The following MOB1B variants were observed in gnomAD, a reference collection of about 807,000 sequenced individuals.
MOB1B encodes the protein MOB kinase activator 1B.
Under a neutral mutation model 24.4 loss-of-function variants are expected in MOB1B, and 19 were observed. That is an observed-to-expected ratio of 0.78 (90% CI 0.54 to 1.14). The LOEUF is 1.14. MOB1B is among the 50% of genes most tolerant of loss of function. The pLI, the probability that MOB1B is intolerant of heterozygous loss-of-function variation, is 0.00. For missense variants in MOB1B, 243 were observed against 259.6 expected, an observed-to-expected ratio of 0.94 and a Z score of 0.44; for synonymous variants, 76 against 82.1, an observed-to-expected ratio of 0.93 and a Z score of 0.40.
intron 3 of MOB1B, among the ~76,000 whole-genome samples, chr4:70,973,037 T>G (rs1000914771): frequency 3.9e-5 from 6 of 152,158 alleles, no homozygotes; most frequent in African/African-American, 1.4e-4. Flanking sequence ...CCTCCCAAAG[T>G]GCTGGCATTA....
At chr4:70,941,821 T>C (rs1737360887) in intron 1 of MOB1B, among the ~76,000 whole-genome samples, 2 of 152,232 alleles carry the variant, frequency 1.3e-5, no homozygotes, top group Non-Finnish European at 2.9e-5. Flanking sequence ...ACATGCTTGG[T>C]ATTTTTAATT....
intron 2 of MOB1B, among the ~76,000 whole-genome samples, chr4:70,961,444 A>G (rs1462105144): frequency 6.6e-6 from 1 of 152,192 alleles, no homozygotes; most frequent in East Asian, 1.9e-4. Flanking sequence ...TATATTGTTT[A>G]TTTCTGAAAT....
chr4:70,958,258 G>T (rs186840770), intron 1 of MOB1B, among the ~76,000 whole-genome samples: 3 of 151,004 alleles, frequency 2.0e-5, no homozygotes, highest in Admixed American at 6.6e-5. Flanking sequence ...TCTGCCTCCC[G>T]AGTTCAAGCG....
In MOB1B at chr4:70,975,204, C is replaced by T. The variant is rs1738934022; in HGVS notation, c.327C>T (p.Cys109=). Residue 109 remains cysteine, a synonymous_variant, in exon 4 of 6, where the codon TGC becomes TGT. Transcript: ENST00000309395. The stretch of plus-strand genomic sequence containing the variant: ...CGAACATAAAGAAACCTATTAAGTG[C>T]TCTGCACCAAAGTATATTGATTACT... ...DGTNIKKPIK[C]SAPKYIDYLM... 1 of 1,613,012 alleles carries T rather than the reference C, an allele frequency of 6.2e-7. No homozygotes were observed. The highest frequency in any genetic ancestry group is 1.1e-5 in the South Asian group (1 of 90,900).
intron 3 of MOB1B, among the ~76,000 whole-genome samples, chr4:70,970,332 A>C (rs1206139018): frequency 6.6e-6 from 1 of 151,742 alleles, no homozygotes; most frequent in East Asian, 1.9e-4. Context: ...CTTCTCTCCC[A>C]TTTCACTCCT....
chr4:70,914,372 T>C (rs1330045227), intron 1 of MOB1B, among the ~76,000 whole-genome samples: 1 of 152,164 alleles, frequency 6.6e-6, no homozygotes, highest in Non-Finnish European at 1.5e-5. Context: ...CCATCCTCAT[T>C]TGAACACTTC....
chr4:70,956,001 A>T (rs1738032295), intron 1 of MOB1B, among the ~76,000 whole-genome samples: 1 of 151,988 alleles, frequency 6.6e-6, no homozygotes, highest in Non-Finnish European at 1.5e-5. Context: ...CTTTCCCAGT[A>T]GTTGGGACTA....
At chr4:70,929,716 G>T (rs551987534) in intron 1 of MOB1B, among the ~76,000 whole-genome samples, 27 of 151,546 alleles carry the variant, frequency 1.8e-4, no homozygotes, top group African/African-American at 6.3e-4. Context: ...CGCGATCTTG[G>T]CTCACTGCAA....
intron 1 of MOB1B, among the ~76,000 whole-genome samples, chr4:70,907,002 A>T (rs1348356842): frequency 1.3e-5 from 2 of 152,202 alleles, no homozygotes; most frequent in Non-Finnish European, 2.9e-5. Flanking sequence ...GAAGTGGGTG[A>T]TAATTAATGG....
At chr4:70,924,073 C>G (rs1251261640) in intron 1 of MOB1B, among the ~76,000 whole-genome samples, 1 of 150,546 alleles carries the variant, frequency 6.6e-6, no homozygotes, top group Non-Finnish European at 1.5e-5. Flanking sequence ...TTTAAGGCAA[C>G]TTTTTCTGGT....
chr4:70,981,615 T>C (rs1739213395), intron 5 of MOB1B, among the ~76,000 whole-genome samples: 1 of 152,234 alleles, frequency 6.6e-6, no homozygotes, highest in African/African-American at 2.4e-5. Context: ...TGTCTATGTC[T>C]ACTTGGTTAA....
chr4:70,931,159 T>C lies in MOB1B; in HGVS notation c.15-27715T>C, dbSNP rs569819457. ...GTACCATAAGCTCATGCTTAAAGCATTGGTGATCTGAAAGATCTGTTAGCT... is the reference window on the plus strand; with the variant it reads ...GTACCATAAGCTCATGCTTAAAGCACTGGTGATCTGAAAGATCTGTTAGCT... On this transcript the variant is annotated intron_variant, in intron 1 of 5. Transcript: ENST00000309395. Among the ~76,000 whole-genome samples the C allele has an allele frequency of 1.8e-4, 27 of 152,254 alleles. 1 individual carries two copies. In the South Asian group the frequency reaches 3.3e-3, roughly 19 times the overall value.
At chr4:70,962,973 C>T (rs1225787466) in intron 2 of MOB1B, among the ~76,000 whole-genome samples, 7 of 152,246 alleles carry the variant, frequency 4.6e-5, no homozygotes, top group African/African-American at 1.4e-4. Context: ...CACTGCATTC[C>T]AGCCTGGGTG....
At chr4:70,953,674 G>A (rs1187066624) in intron 1 of MOB1B, among the ~76,000 whole-genome samples, 1 of 152,306 alleles carries the variant, frequency 6.6e-6, no homozygotes, top group South Asian at 2.1e-4. Flanking sequence ...TGGGCATGAT[G>A]GCTCATGCCT....
intron 1 of MOB1B, among the ~76,000 whole-genome samples, chr4:70,946,794 A>C (rs1177722472): frequency 6.6e-6 from 1 of 152,040 alleles, no homozygotes; most frequent in African/African-American, 2.4e-5. Flanking sequence ...TTCAATATTT[A>C]AAGGGGAAAG....
At chr4:70,949,703 CA>C (rs1737722616) in intron 1 of MOB1B, among the ~76,000 whole-genome samples, 1 of 151,924 alleles carries the variant, frequency 6.6e-6, no homozygotes, top group Admixed American at 6.6e-5. Context: ...GCCAGGGCAA[CA>C]AAGTGAGACT....
At chr4:70,941,732 C>G (rs1264595874) in intron 1 of MOB1B, among the ~76,000 whole-genome samples, 1 of 152,118 alleles carries the variant, frequency 6.6e-6, no homozygotes, top group East Asian at 1.9e-4. Context: ...ACTTTGGTAT[C>G]TTTCTTTTCA....
At chr4:70,921,812 T>G (rs1254938507) in intron 1 of MOB1B, among the ~76,000 whole-genome samples, 1 of 152,110 alleles carries the variant, frequency 6.6e-6, no homozygotes, top group Non-Finnish European at 1.5e-5. Flanking sequence ...TGGCCCGCAT[T>G]TCTTTACAAT....
intron 3 of MOB1B, among the ~76,000 whole-genome samples, chr4:70,974,073 C>T (rs1261619287): frequency 6.6e-6 from 1 of 152,078 alleles, no homozygotes; most frequent in Non-Finnish European, 1.5e-5. Flanking sequence ...AATGCTAGTT[C>T]AGTTTAGAGA....
Sources: allele counts gnomAD v4.1 joint callset (sites outside exome capture counted in the v4.1 genomes callset), GRCh38; gene constraint gnomAD v4.1.1; transcripts MANE v1.5; gene names NCBI Gene and HGNC (gene_info 2026-07-23, HGNC 2026-07-21).